Variants in DNAH8 observed in about 807,000 individuals in gnomAD.
DNAH8 encodes dynein axonemal heavy chain 8.
In DNAH8, 382 loss-of-function variants were observed where a neutral mutation model predicts 562.1. The ratio of observed to expected loss-of-function variants is 0.68; its 90% CI spans 0.63 to 0.74. DNAH8 has a LOEUF of 0.74. DNAH8 is among the 30% of genes least tolerant of loss of function. DNAH8 has a pLI of 0.00. For synonymous variants in DNAH8, 1,881 were observed against 1,919.4 expected (o/e 0.98, Z 0.52); for missense variants, 5,203 against 5,620.4 (o/e 0.93, Z 2.37).
intron 37 of DNAH8, 82 bp downstream of exon 37, chr6:38,848,883 A>T: frequency 1.4e-6 from 2 of 1,394,770 alleles, no homozygotes; most frequent in Non-Finnish European, 2.0e-6. Flanking sequence ...TCACAAAGAC[A>T]TATGGTCAAG....
rs1385788425 is a variant in DNAH8, at chr6:38,845,754, G to A, written c.5026G>A (p.Gly1676Arg). The change falls in exon 36 of 93, where the codon GGG (glycine) becomes AGG (arginine). Residue 1676 changes from glycine (G) to arginine (R), a missense_variant. Physicochemically the swap from Gly to Arg is moderately radical, Grantham distance 125. Around this residue, in one of 6 missense-constraint regions of DNAH8, gnomAD observed 2,176 missense variants for 2,365.1 expected, o/e 0.92. Coordinates refer to ENST00000327475, the MANE Select transcript of DNAH8 (RefSeq NM_001206927.2). ...TLMEDSLMVL[G>R]SLLSNRYNAP... is the part of the protein sequence containing the mutation. ...GATGGAGGATAGTTTAATGGTCTTAGGGTCTTTACTCAGCAACAGGTAATT... is the reference window on the plus strand; with the variant it reads ...GATGGAGGATAGTTTAATGGTCTTAAGGTCTTTACTCAGCAACAGGTAATT... 3 of 1,613,330 alleles carry A rather than the reference G, an allele frequency of 1.9e-6. No individual in the cohort carries two copies. The highest frequency in any genetic ancestry group is 1.7e-6 in the Non-Finnish European group (2 of 1,179,406).
chr6:39,019,799 G>C (rs547872927), intron 91 of DNAH8, among the ~76,000 whole-genome samples: 5 of 152,154 alleles, frequency 3.3e-5, no homozygotes, highest in African/African-American at 9.7e-5. Flanking sequence ...TTAATGGGTC[G>C]CAGCAGATGG....
intron 21 of DNAH8, among the ~76,000 whole-genome samples, chr6:38,799,388 T>C (rs1438107971): frequency 6.6e-6 from 1 of 152,060 alleles, no homozygotes; most frequent in Non-Finnish European, 1.5e-5. Flanking sequence ...CGTTGTCCTC[T>C]CCACTGGGTC....
intron 1 of DNAH8, among the ~76,000 whole-genome samples, chr6:38,720,712 A>G (rs1762683931): frequency 6.6e-6 from 1 of 152,192 alleles, no homozygotes; most frequent in South Asian, 2.1e-4. Flanking sequence ...AAAATAGCAA[A>G]CAGAGGATCA....
At chr6:38,875,425 G>A (rs1167264843) in intron 52 of DNAH8, among the ~76,000 whole-genome samples, 166 bp from the exon 53 acceptor site, 1 of 152,136 alleles carries the variant, frequency 6.6e-6, no homozygotes, top group Non-Finnish European at 1.5e-5. Context: ...AAACAGGATA[G>A]CCTTTCTTCT....
intron 85 of DNAH8, among the ~76,000 whole-genome samples, chr6:38,976,753 AAG>A (rs1451962724): frequency 6.6e-6 from 1 of 151,726 alleles, no homozygotes; most frequent in Non-Finnish European, 1.5e-5. Flanking sequence ...TGTTGAGTAT[AAG>A]AGCCAAACAT....
chr6:38,784,861 G>A (rs1768993560), intron 17 of DNAH8, among the ~76,000 whole-genome samples: 1 of 152,160 alleles, frequency 6.6e-6, no homozygotes, highest in Non-Finnish European at 1.5e-5. Context: ...TTAAAATACT[G>A]TACTGTTTCT....
intron 31 of DNAH8, among the ~76,000 whole-genome samples, chr6:38,833,004 C>G (rs1482359207): frequency 6.6e-6 from 1 of 151,662 alleles, no homozygotes; most frequent in African/African-American, 2.4e-5. Context: ...GGATATTATG[C>G]CATTGATTTT....
intron 21 of DNAH8, among the ~76,000 whole-genome samples, chr6:38,795,245 A>G (rs1770121220): frequency 6.6e-6 from 1 of 152,152 alleles, no homozygotes; most frequent in African/African-American, 2.4e-5. Flanking sequence ...AAAACTCTCT[A>G]CCAATTATAC....
intron 76 of DNAH8, among the ~76,000 whole-genome samples, chr6:38,934,835 TAAC>T (rs1244225737): frequency 7.9e-5 from 12 of 152,292 alleles, no homozygotes; most frequent in African/African-American, 2.6e-4. Flanking sequence ...ATAATAATGA[TAAC>T]AACAATAACA....
At chr6:38,726,207 A>G (rs1393132857) in intron 3 of DNAH8, among the ~76,000 whole-genome samples, 3 of 152,186 alleles carry the variant, frequency 2.0e-5, no homozygotes, top group African/African-American at 2.4e-5. Context: ...TAACACCACA[A>G]CTGGAATCCC....
At chr6:38,924,194 T>G in intron 73 of DNAH8, 32 bp downstream of exon 73, 1 of 1,604,018 alleles carries the variant, frequency 6.2e-7, no homozygotes, top group Non-Finnish European at 8.5e-7. Flanking sequence ...TTATTTGAAT[T>G]TCAGTCTCAT....
At chr6:38,921,757 T>C (rs1369439530) in intron 71 of DNAH8, among the ~76,000 whole-genome samples, 1 of 152,202 alleles carries the variant, frequency 6.6e-6, no homozygotes, top group African/African-American at 2.4e-5. Context: ...GGTTTGGGGC[T>C]TTCACGCGCG....
In DNAH8 at chr6:38,886,893, G is replaced by A. The variant is rs373433461; in HGVS notation, c.8362G>A (p.Ala2788Thr). Residue 2788 changes from alanine to threonine, a missense_variant, in exon 57 of 93, where the codon GCA (alanine) becomes ACA (threonine). This residue lies in a region of DNAH8 where 977 missense variants were observed against 1,061.8 expected (regional missense o/e 0.92). Transcript: ENST00000327475. The part of the protein sequence containing the change: ...TTIVDVQLIA[A>T]MIHPGGGRND... ...TATTGTTGATGTGCAGCTCATAGCA[G>A]CAATGATCCACCCTGGAGGTGGTCG... 10 of 1,613,886 alleles carry A rather than the reference G, an allele frequency of 6.2e-6. No homozygotes were observed. In the Middle Eastern group the frequency reaches 6.6e-4, roughly 106 times the overall value.
chr6:38,792,454 G>A (rs774190970), intron 21 of DNAH8, among the ~76,000 whole-genome samples: 2 of 152,070 alleles, frequency 1.3e-5, no homozygotes, highest in Non-Finnish European at 2.9e-5. Flanking sequence ...AGGTCAGGTC[G>A]TTACTGCTCA....
rs74661533 is a variant in DNAH8, at chr6:38,976,219, T to C, written c.12834+1690T>C. ...AATCAGTTAGCTGAAAGCAGTTAGT[T>C]GATCAAGTTATGTCTCTCTCAGGGC... On this transcript the variant is annotated intron_variant, in intron 85 of 92. Transcript: ENST00000327475. Among the ~76,000 whole-genome samples the C allele has an allele frequency of 0.011, 1,699 of 152,338 alleles. 112 individuals are homozygous for C. The East Asian group carries it at 0.16, about 14-fold the overall frequency.
chr6:38,878,765 A>G (rs969992869), intron 53 of DNAH8, among the ~76,000 whole-genome samples: 1 of 152,188 alleles, frequency 6.6e-6, no homozygotes, highest in Non-Finnish European at 1.5e-5. Flanking sequence ...AGCCATCATC[A>G]AGAAGAACTA....
At chr6:39,016,923 T>C (rs531059311) in intron 91 of DNAH8, among the ~76,000 whole-genome samples, 13 of 152,332 alleles carry the variant, frequency 8.5e-5, no homozygotes, top group South Asian at 2.1e-4. Flanking sequence ...TGGCCTGATA[T>C]TTTGTCTGTC....
intron 88 of DNAH8, among the ~76,000 whole-genome samples, chr6:38,993,102 C>G (rs1764902162): frequency 1.3e-5 from 2 of 152,182 alleles, no homozygotes; most frequent in Non-Finnish European, 2.9e-5. Context: ...ATACAAATAA[C>G]TCCAATTCCA....
Sources: gnomAD v4.1 joint callset for allele counts (sites outside exome capture counted in the v4.1 genomes callset) on GRCh38, gnomAD v4.1.1 for gene constraint, gnomAD v4.1.1 regional missense constraint, MANE v1.5 for transcripts, NCBI Gene and HGNC (gene_info 2026-07-23, HGNC 2026-07-21) for gene names.